GRIK4: variants seen among roughly 807,000 people sequenced by gnomAD.
GRIK4 encodes the protein glutamate receptor ionotropic, kainate 4.
Under a neutral mutation model 104.9 loss-of-function variants are expected in GRIK4, and 40 were observed. The observed-to-expected ratio is 0.38, with a 90% CI of 0.30 to 0.50. The LOEUF (loss-of-function observed/expected upper bound fraction) is 0.50, where lower values mean the gene tolerates loss of function less well. Among genes scored for constraint, GRIK4 ranks in the 20% least tolerant of loss-of-function variants. The probability of loss-of-function intolerance (pLI) is 0.93; values close to 1 mark genes in which losing one functional copy is unlikely to be tolerated. For synonymous variants in GRIK4, 485 were observed against 524.9 expected (o/e 0.92, Z 1.04); for missense variants, 1,047 against 1,308.1 (o/e 0.80, Z 3.08).
chr11:120,924,915 C>T (rs1016687085), intron 13 of GRIK4, among the ~76,000 whole-genome samples: 4 of 152,194 alleles, frequency 2.6e-5, no homozygotes, highest in Admixed American at 2.6e-4. Context: ...GAGAAAATGC[C>T]CTGCTGCCCT....
At chr11:120,704,015 C>G (rs1208027949) in intron 3 of GRIK4, among the ~76,000 whole-genome samples, 1 of 152,148 alleles carries the variant, frequency 6.6e-6, no homozygotes, top group Non-Finnish European at 1.5e-5. Flanking sequence ...TCTGAGTTTC[C>G]GTTCACTAGC....
Position 120,982,201 on chromosome 11 carries a change from C to T in GRIK4, c.2491C>T (p.Leu831Phe). The T allele has an allele frequency of 6.3e-7, 1 of 1,599,638 alleles. No homozygotes were observed. The highest frequency in any genetic ancestry group is 8.6e-7 in the Non-Finnish European group (1 of 1,166,852). ...FMAMLEFLWT[L>F]RHSEATEVSV... ...GGCTATGTTGGAGTTTTTATGGACT[C>T]TCAGACACTCAGAAGCAACTGAGGT... is the stretch of plus-strand genomic sequence containing the variant. The change falls in exon 20 of 21, where the codon CTC becomes TTC. Residue 831 changes from leucine to phenylalanine, a missense_variant. Leu to Phe is a conservative substitution (Grantham distance 22). This residue lies in a region of GRIK4 where 440 missense variants were observed against 652.3 expected (regional missense o/e 0.67). Coordinates refer to ENST00000527524, the MANE Select transcript of GRIK4 (RefSeq NM_014619.5).
chr11:120,808,649 C>T (rs1952765585), intron 4 of GRIK4, among the ~76,000 whole-genome samples: 1 of 152,206 alleles, frequency 6.6e-6, no homozygotes, highest in Non-Finnish European at 1.5e-5. Flanking sequence ...CCCCTGTCTA[C>T]TCCCAGAGAG....
At chr11:120,888,068 T>C (rs1955171628) in intron 11 of GRIK4, among the ~76,000 whole-genome samples, 1 of 152,170 alleles carries the variant, frequency 6.6e-6, no homozygotes, top group Non-Finnish European at 1.5e-5. Flanking sequence ...AAGCTTTATT[T>C]ACGTATCCTC....
At chr11:120,564,128 G>C (rs1948276202) in intron 1 of GRIK4, among the ~76,000 whole-genome samples, 1 of 151,994 alleles carries the variant, frequency 6.6e-6, no homozygotes, top group Admixed American at 6.6e-5. Flanking sequence ...CGCGCAGGCG[G>C]CGGCTAGCGC....
At chr11:120,795,735 A>G (rs571335711) in intron 3 of GRIK4, among the ~76,000 whole-genome samples, 1 of 152,318 alleles carries the variant, frequency 6.6e-6, no homozygotes, top group Non-Finnish European at 1.5e-5. Context: ...GAGTTTGGGA[A>G]GATTCAAAGG....
chr11:120,790,008 G>A (rs1319407029), intron 3 of GRIK4, among the ~76,000 whole-genome samples: 1 of 152,250 alleles, frequency 6.6e-6, no homozygotes, highest in Non-Finnish European at 1.5e-5. Flanking sequence ...GTCTGGCTCT[G>A]TCCTCTGACC....
intron 1 of GRIK4, among the ~76,000 whole-genome samples, chr11:120,593,097 C>T (rs1043859539): frequency 2.7e-5 from 4 of 150,578 alleles, no homozygotes; most frequent in African/African-American, 9.8e-5. Context: ...GTGGGAGAAT[C>T]GCTTGAACCC....
intron 13 of GRIK4, among the ~76,000 whole-genome samples, chr11:120,934,285 C>T (rs896484209): frequency 6.6e-6 from 1 of 150,818 alleles, no homozygotes; most frequent in Non-Finnish European, 1.5e-5. Flanking sequence ...GAATTTTGCC[C>T]GAAAGGGGGC....
At chr11:120,943,051 A>G (rs1943761429) in intron 14 of GRIK4, among the ~76,000 whole-genome samples, 1 of 150,880 alleles carries the variant, frequency 6.6e-6, no homozygotes, top group Non-Finnish European at 1.5e-5. Context: ...CCTGTGAGCC[A>G]ATTTCTTACA....
chr11:120,646,740 A>G (rs941137502), intron 1 of GRIK4, among the ~76,000 whole-genome samples: 2 of 152,194 alleles, frequency 1.3e-5, no homozygotes, highest in African/African-American at 4.8e-5. Context: ...ATCCTAGAAC[A>G]TAAGATGGGG....
chr11:120,660,547 G>C, intron 3 of GRIK4, 147 bp downstream of exon 3: 1 of 630,350 alleles, frequency 1.6e-6, no homozygotes, highest in Admixed American at 2.8e-5. Flanking sequence ...ACATGCAGGT[G>C]GTGGTGGTGG....
At chr11:120,535,271 A>G (rs972959883) in intron 1 of GRIK4, among the ~76,000 whole-genome samples, 3 of 87,078 alleles carry the variant, frequency 3.4e-5, no homozygotes, top group African/African-American at 5.5e-5. Flanking sequence ...ACCTCCTGGG[A>G]CCAGAGGGAA....
At chr11:120,741,275 CTTTTTTT>C (rs762543001) in intron 3 of GRIK4, among the ~76,000 whole-genome samples, 6 of 106,884 alleles carry the variant, frequency 5.6e-5, no homozygotes, top group African/African-American at 1.7e-4. Context: ...CGTGTGCTTT[CTTTTTTT>C]TTTTTTTTTT....
At chr11:120,883,887 T>C (rs1406606898) in intron 11 of GRIK4, among the ~76,000 whole-genome samples, 1 of 152,202 alleles carries the variant, frequency 6.6e-6, no homozygotes, top group Non-Finnish European at 1.5e-5. Context: ...AGCTCATGCC[T>C]GGAAGAGCTG....
At chr11:120,609,211 C>T (rs542762228) in intron 1 of GRIK4, among the ~76,000 whole-genome samples, 10 of 151,990 alleles carry the variant, frequency 6.6e-5, no homozygotes, top group Non-Finnish European at 1.2e-4. Context: ...CCTCCCACCT[C>T]GGGGATCTGG....
chr11:120,823,874 C>A (rs1953186704), intron 6 of GRIK4, among the ~76,000 whole-genome samples: 1 of 152,196 alleles, frequency 6.6e-6, no homozygotes, highest in Non-Finnish European at 1.5e-5. Context: ...TGCTGAGGGA[C>A]TCCAGTCCCC....
At chr11:120,713,213 A>C (rs1221824411) in intron 3 of GRIK4, among the ~76,000 whole-genome samples, 1 of 152,140 alleles carries the variant, frequency 6.6e-6, no homozygotes, top group East Asian at 1.9e-4. Context: ...GGTCTGCTGT[A>C]TTTCTTGAAT....
intron 3 of GRIK4, among the ~76,000 whole-genome samples, chr11:120,713,903 C>T (rs3133856): frequency 0.71 from 107,587 of 152,008 alleles, 38,749 homozygotes; most frequent in African/African-American, 0.85. Context: ...TTGCTGCGGA[C>T]TCAAAGTCCC....
Sources: gnomAD v4.1 joint callset for allele counts (sites outside exome capture counted in the v4.1 genomes callset) on GRCh38, gnomAD v4.1.1 for gene constraint, gnomAD v4.1.1 regional missense constraint, MANE v1.5 for transcripts, NCBI Gene and HGNC (gene_info 2026-07-23, HGNC 2026-07-21) for gene names.